PRKCQ: variants seen among roughly 807,000 people sequenced by gnomAD.
The protein encoded by PRKCQ is protein kinase C theta, also known as protein kinase C theta type.
PRKCQ carries 41 observed loss-of-function variants against 91.2 expected under a neutral mutation model. The observed-to-expected ratio is 0.45, with a 90% CI of 0.35 to 0.58. The LOEUF (loss-of-function observed/expected upper bound fraction) is 0.58, where lower values mean the gene tolerates loss of function less well. PRKCQ is among the 20% of genes least tolerant of loss of function. The probability of loss-of-function intolerance (pLI) is 0.00; values close to 1 mark genes in which losing one functional copy is unlikely to be tolerated. For missense variants in PRKCQ, 673 were observed against 896.5 expected (o/e 0.75, Z 3.18); for synonymous variants, 307 against 316.9 (o/e 0.97, Z 0.33).
In PRKCQ at chr10:6,443,277, T is replaced by G. The variant is rs75826612; in HGVS notation, c.1648-1196A>C. Among the ~76,000 whole-genome samples the G allele has an allele frequency of 2.6e-4, 40 of 152,274 alleles. No homozygotes were observed. The East Asian group carries it at 7.5e-3, about 29-fold the overall frequency. Reference sequence around the variant, plus strand: ...CTGAGATGGTACATGGTAGGACCCATCCATGGATGAAAGAAATAAGGAAAA... The same window carrying G: ...CTGAGATGGTACATGGTAGGACCCAGCCATGGATGAAAGAAATAAGGAAAA... On this transcript the variant is annotated intron_variant, in intron 15 of 17. Coordinates refer to ENST00000263125, the MANE Select transcript of PRKCQ (RefSeq NM_006257.5).
intron 1 of PRKCQ, among the ~76,000 whole-genome samples, chr10:6,527,666 A>G (rs996198770): frequency 1.8e-4 from 28 of 152,310 alleles, no homozygotes; most frequent in African/African-American, 6.7e-4. Flanking sequence ...CCCAGGAGAC[A>G]GCGGTCACTT....
intron 12 of PRKCQ, among the ~76,000 whole-genome samples, chr10:6,471,728 C>G (rs911676357): frequency 6.6e-6 from 1 of 152,156 alleles, no homozygotes; most frequent in South Asian, 2.1e-4. Flanking sequence ...CCAATCTGGG[C>G]GACAGAGTGA....
intron 12 of PRKCQ, among the ~76,000 whole-genome samples, chr10:6,470,925 G>A (rs537241498): frequency 3.1e-3 from 270 of 87,880 alleles, no homozygotes; most frequent in Non-Finnish European, 5.0e-3. Context: ...TGAGACTGTC[G>A]CAAAAAAAAA....
At chr10:6,535,886 C>G (rs1839565280) in intron 1 of PRKCQ, among the ~76,000 whole-genome samples, 1 of 152,162 alleles carries the variant, frequency 6.6e-6, no homozygotes, top group African/African-American at 2.4e-5. Flanking sequence ...TGTGGATTTG[C>G]CATCGATCTA....
At chr10:6,492,322 T>A in intron 7 of PRKCQ, among the ~76,000 whole-genome samples, 1 of 152,158 alleles carries the variant, frequency 6.6e-6, no homozygotes, top group East Asian at 1.9e-4. Context: ...AGAAGCATTT[T>A]CACACCTATT....
chr10:6,409,610 A>G, the PRKCQ span, among the ~76,000 whole-genome samples: 1 of 152,264 alleles, frequency 6.6e-6, no homozygotes, highest in Non-Finnish European at 1.5e-5. Context: ...TTCATTTTAC[A>G]TACACTTTCT....
At chr10:6,419,079 C>G in the PRKCQ span, among the ~76,000 whole-genome samples, 1,433 of 152,116 alleles carry the variant, frequency 9.4e-3, 28 homozygotes, top group African/African-American at 0.033. Flanking sequence ...TTTATTCTAT[C>G]AATCATCTAC....
chr10:6,488,652 G>A (rs1014102683), intron 8 of PRKCQ, among the ~76,000 whole-genome samples: 2 of 152,188 alleles, frequency 1.3e-5, no homozygotes, highest in Admixed American at 1.3e-4. Flanking sequence ...CTAAAGTGCT[G>A]AGATTACAGG....
chr10:6,526,845 G>C (rs1222696165), intron 1 of PRKCQ, among the ~76,000 whole-genome samples: 8 of 152,210 alleles, frequency 5.3e-5, no homozygotes, highest in Admixed American at 5.2e-4. Context: ...CCTGGTCCCT[G>C]TGTTGAGAGG....
chr10:6,497,008 A>G lies in PRKCQ; in HGVS notation c.660+27T>C. On this transcript the variant is annotated intron_variant, in intron 7 of 17. Coordinates refer to ENST00000263125, the MANE Select transcript of PRKCQ (RefSeq NM_006257.5). This position sits in a 1 kb window ranked among gnomAD's most constrained non-coding sequence, Gnocchi z 4.5. ...TTAACGTTCTGATAAAAATCACTGC[A>G]CGTCAAAGAGGAGTGTAAATACTCA... The G allele has an allele frequency of 6.3e-7, 1 of 1,588,794 alleles. No homozygotes were observed. Among genetic ancestry groups the G allele is most frequent in the African/African-American group, 1.3e-5 (1 of 74,386 alleles).
chr10:6,481,693 A>G (rs1462197998), intron 11 of PRKCQ, among the ~76,000 whole-genome samples: 1 of 152,200 alleles, frequency 6.6e-6, no homozygotes, highest in Admixed American at 6.5e-5. Context: ...TTTAATATTA[A>G]ATAAACTGGG....
At chr10:6,398,507 A>T in the PRKCQ span, among the ~76,000 whole-genome samples, 1 of 152,320 alleles carries the variant, frequency 6.6e-6, no homozygotes, top group African/African-American at 2.4e-5. Flanking sequence ...ATTCTATAAT[A>T]TGTTTTCTCA....
chr10:6,548,752 A>AGGGGGGG (rs1840069710), intron 1 of PRKCQ, among the ~76,000 whole-genome samples: 2 of 87,290 alleles, frequency 2.3e-5, no homozygotes, highest in Non-Finnish European at 4.4e-5. Flanking sequence ...GGGAGGGGGG[A>AGGGGGGG]GGGATAGCTT....
At chr10:6,506,183 T>A (rs575216884) in intron 4 of PRKCQ, among the ~76,000 whole-genome samples, 62 of 152,336 alleles carry the variant, frequency 4.1e-4, no homozygotes, top group African/African-American at 1.3e-3. Context: ...AATTTCAGAG[T>A]ACATTTTTCC....
At chr10:6,475,656 G>A (rs1836229876) in intron 12 of PRKCQ, among the ~76,000 whole-genome samples, 1 of 152,154 alleles carries the variant, frequency 6.6e-6, no homozygotes, top group Non-Finnish European at 1.5e-5. Context: ...GTCTACACTA[G>A]CATACACAGG....
chr10:6,404,254 G>GA, the PRKCQ span, among the ~76,000 whole-genome samples: 2,781 of 107,376 alleles, frequency 0.026, 68 homozygotes, highest in East Asian at 0.056. Flanking sequence ...AGAAGGGGGG[G>GA]GGAGAGAGAG....
intron 2 of PRKCQ, 68 bp downstream of exon 2, chr10:6,514,950 G>A: frequency 6.2e-7 from 1 of 1,604,160 alleles, no homozygotes; most frequent in Non-Finnish European, 8.5e-7. Flanking sequence ...GGAAGACCTT[G>A]CTTCATACAC....
At chr10:6,496,996 A>G (rs1837653402) in intron 7 of PRKCQ, 39 bp downstream of exon 7, 1 of 1,563,456 alleles carries the variant, frequency 6.4e-7, no homozygotes, top group Non-Finnish European at 8.8e-7. Context: ...ACGTTCTGAT[A>G]AAAATCACTG....
At chr10:6,418,525 C>G in the PRKCQ span, among the ~76,000 whole-genome samples, 1 of 152,162 alleles carries the variant, frequency 6.6e-6, no homozygotes, top group Non-Finnish European at 1.5e-5. Flanking sequence ...CTGCCCACCA[C>G]TCCTTAAGAG....
Sources: gnomAD v4.1 joint callset for allele counts (sites outside exome capture counted in the v4.1 genomes callset) on GRCh38, gnomAD v4.1.1 for gene constraint, Gnocchi (gnomAD v3.1) non-coding constraint, MANE v1.5 for transcripts, NCBI Gene and HGNC (gene_info 2026-07-23, HGNC 2026-07-21) for gene names.